PTPRC: variants seen among roughly 807,000 people sequenced by gnomAD.
PTPRC encodes the protein protein tyrosine phosphatase receptor type C, also known as receptor-type tyrosine-protein phosphatase C.
In PTPRC, 44 loss-of-function variants were observed where a neutral mutation model predicts 155.9. The observed-to-expected ratio is 0.28, with a 90% CI of 0.22 to 0.36. PTPRC has a LOEUF of 0.36. Among genes scored for constraint, PTPRC ranks in the 10% least tolerant of loss-of-function variants. PTPRC has a pLI of 1.00. For synonymous variants in PTPRC, 525 were observed against 533.1 expected (o/e 0.98, Z 0.21); for missense variants, 1,401 against 1,564.6 (o/e 0.90, Z 1.76).
chr1:198,742,210 T>C, intron 24 of PTPRC, 22 bp from the exon 25 acceptor site: 1 of 1,610,144 alleles, frequency 6.2e-7, no homozygotes, highest in East Asian at 2.2e-5. Context: ...ATGCCTCTGC[T>C]TTTTTTTGCT....
At chr1:198,687,044 C>T (rs1665664625) in intron 2 of PTPRC, among the ~76,000 whole-genome samples, 1 of 152,158 alleles carries the variant, frequency 6.6e-6, no homozygotes, top group Non-Finnish European at 1.5e-5. Context: ...CTCACCCTGT[C>T]ACCCAGGCTG....
chr1:198,704,605 G>A (rs1666631490), intron 8 of PTPRC, 107 bp downstream of exon 8: 5 of 1,597,212 alleles, frequency 3.1e-6, no homozygotes, highest in Admixed American at 3.4e-5. Flanking sequence ...TAAACTCACT[G>A]GCTCTAATTT....
intron 11 of PTPRC, 132 bp downstream of exon 11, chr1:198,709,956 A>G: frequency 8.0e-7 from 1 of 1,254,856 alleles, no homozygotes; most frequent in Non-Finnish European, 1.1e-6. Context: ...TTTTTATTTC[A>G]ATGAAGCGCA....
At chr1:198,733,265 T>C (rs1394450547) in intron 20 of PTPRC, among the ~76,000 whole-genome samples, 1 of 151,772 alleles carries the variant, frequency 6.6e-6, no homozygotes, top group Non-Finnish European at 1.5e-5. Context: ...CAGAAATAAC[T>C]ATATTTTCTA....
intron 12 of PTPRC, among the ~76,000 whole-genome samples, chr1:198,713,521 G>A (rs928170021): frequency 6.6e-6 from 1 of 152,004 alleles, no homozygotes; most frequent in African/African-American, 2.4e-5. Context: ...CCATGTAGCC[G>A]CTGGGGCCAG....
chr1:198,709,504 C>A (rs371672874), intron 10 of PTPRC, among the ~76,000 whole-genome samples, 183 bp from the exon 11 acceptor site: 16 of 151,530 alleles, frequency 1.1e-4, no homozygotes, highest in Non-Finnish European at 1.6e-4. Context: ...GAAACTCAGC[C>A]TGTATTTTCA....
At chr1:198,743,067 C>CAAAAAAAAAAAAAAAAAAAAAAAAAA (rs10628640) in intron 25 of PTPRC, among the ~76,000 whole-genome samples, 1 of 75,948 alleles carries the variant, frequency 1.3e-5, no homozygotes, top group Non-Finnish European at 2.5e-5. Context: ...GTCAAAATAG[C>CAAAAAAAAAAAAAAAAAAAAAAAAAA]AAAAAAAAAA....
At chr1:198,712,930 T>A in intron 11 of PTPRC, 23 bp from the exon 12 acceptor site, 2 of 1,602,884 alleles carry the variant, frequency 1.2e-6, no homozygotes, top group Non-Finnish European at 1.7e-6. Context: ...TCATATTACA[T>A]AACATTCTTA....
intron 15 of PTPRC, among the ~76,000 whole-genome samples, chr1:198,726,056 T>C (rs1327728004): frequency 6.6e-6 from 1 of 152,218 alleles, no homozygotes; most frequent in Non-Finnish European, 1.5e-5. Context: ...ACTTGGCTAT[T>C]TTATTAAGTT....
At chr1:198,709,248 C>T (rs1169416015) in intron 10 of PTPRC, among the ~76,000 whole-genome samples, 1 of 152,036 alleles carries the variant, frequency 6.6e-6, no homozygotes, top group African/African-American at 2.4e-5. Context: ...AAATTTTACA[C>T]GTGACCTAAA....
intron 4 of PTPRC, among the ~76,000 whole-genome samples, chr1:198,699,206 T>C (rs1666346562): frequency 6.6e-6 from 1 of 152,236 alleles, no homozygotes; most frequent in Admixed American, 6.5e-5. Flanking sequence ...ACTAGTACAT[T>C]GGAAGATTCC....
intron 23 of PTPRC, 139 bp downstream of exon 23, chr1:198,735,391 C>A: frequency 2.4e-6 from 2 of 829,842 alleles, no homozygotes; most frequent in South Asian, 2.1e-5. Flanking sequence ...GTGGTTAGAA[C>A]AATGACAAAA....
chr1:198,675,434 T>G (rs954904671), intron 2 of PTPRC, among the ~76,000 whole-genome samples: 2 of 152,168 alleles, frequency 1.3e-5, no homozygotes, highest in Non-Finnish European at 2.9e-5. Flanking sequence ...TGATAATATC[T>G]CATTAATAAT....
chr1:198,684,355 T>C (rs1002676978), intron 2 of PTPRC, among the ~76,000 whole-genome samples: 2 of 151,854 alleles, frequency 1.3e-5, no homozygotes, highest in Admixed American at 6.6e-5. Flanking sequence ...AAAACATTAT[T>C]GTAAATATTG....
At chr1:198,666,785 A>C (rs531372295) in intron 2 of PTPRC, among the ~76,000 whole-genome samples, 22 of 152,216 alleles carry the variant, frequency 1.4e-4, no homozygotes, top group Non-Finnish European at 2.8e-4. Context: ...TGTCTTTTTA[A>C]GTTAAACATA....
chr1:198,679,195 C>G, intron 2 of PTPRC: 1 of 203,730 alleles, frequency 4.9e-6, no homozygotes, highest in Non-Finnish European at 1.0e-5. Context: ...AGCCTGGTAA[C>G]GCTTTCTGGC....
intron 2 of PTPRC, among the ~76,000 whole-genome samples, chr1:198,680,357 G>A (rs1665244705): frequency 6.6e-6 from 1 of 151,924 alleles, no homozygotes; most frequent in South Asian, 2.1e-4. Context: ...GGAGGCTGAG[G>A]CAGGAGAACC....
chr1:198,698,022 A>C (rs1482526205), intron 4 of PTPRC, among the ~76,000 whole-genome samples: 1 of 152,206 alleles, frequency 6.6e-6, no homozygotes, highest in Non-Finnish European at 1.5e-5. Flanking sequence ...TTACAAAAGG[A>C]ATGCAAGGAT....
chr1:198,691,781 GCCAACCA>G (rs1665940973), intron 2 of PTPRC, among the ~76,000 whole-genome samples: 1 of 151,934 alleles, frequency 6.6e-6, no homozygotes, highest in Admixed American at 6.6e-5. Context: ...TCCTTTACCA[GCCAACCA>G]CCAACTCTGG....
Sources: gnomAD v4.1 joint callset for allele counts (sites outside exome capture counted in the v4.1 genomes callset) on GRCh38, gnomAD v4.1.1 for gene constraint, MANE v1.5 for transcripts, NCBI Gene and HGNC (gene_info 2026-07-23, HGNC 2026-07-21) for gene names.